The following TULP2 variants were observed in gnomAD, a reference collection of about 807,000 sequenced individuals.
TULP2 encodes tubby-related protein 2.
TULP2 carries 64 observed loss-of-function variants against 60.3 expected under a neutral mutation model. That is an observed-to-expected ratio of 1.06 (90% confidence interval 0.87 to 1.31). The LOEUF (loss-of-function observed/expected upper bound fraction) is 1.31. Among genes scored for constraint, TULP2 ranks in the 50% most tolerant of loss-of-function variants. The probability of loss-of-function intolerance (pLI) is 0.00; values close to 1 mark genes in which losing one functional copy is unlikely to be tolerated. For synonymous variants in TULP2, 267 were observed against 265.4 expected (o/e 1.01, Z -0.06); for missense variants, 652 against 667.0 (o/e 0.98, Z 0.25).
chr19:48,895,738 G>A (rs555309800), intron 4 of TULP2, among the ~76,000 whole-genome samples: 219 of 152,230 alleles, frequency 1.4e-3, no homozygotes, highest in Non-Finnish European at 2.5e-3. Context: ...AATTAGCCGG[G>A]CTTGGTGGCG....
chr19:48,894,993 A>C lies in TULP2; in HGVS notation c.514+5T>G. On this transcript the variant is annotated splice_donor_5th_base_variant and intron_variant, in intron 6 of 12. Transcript: ENST00000221399. Reference sequence around the variant, plus strand: ...CAGGTTTCACCCCAATGTCCCCTAAATTACCAGGTCGTTGGTGGGCTTGCC... The same window carrying C: ...CAGGTTTCACCCCAATGTCCCCTAACTTACCAGGTCGTTGGTGGGCTTGCC... 1.9e-6 allele frequency: 3 copies of C among 1,610,166 alleles called. No homozygotes were observed. The highest frequency in any genetic ancestry group is 2.5e-6 in the Non-Finnish European group (3 of 1,178,620).
chr19:48,895,258 G>T, intron 5 of TULP2, 96 bp from the exon 6 acceptor site: 3 of 1,570,928 alleles, frequency 1.9e-6, no homozygotes, highest in Non-Finnish European at 2.6e-6. Flanking sequence ...GAGTGGGTGC[G>T]GTCCTGAGCT....
At position 48,882,121 on chromosome 19, in the gene TULP2, T is replaced by A; in HGVS notation, c.1358A>T (p.Asp453Val). 6.2e-7 allele frequency: 1 copy of A among 1,614,194 alleles called. No homozygotes were observed. ...GAGCGTGTAGACACCGTTCTCCTTG[T>A]CCCACGACGGGGTTTTGTTGTGCAA... ...LLLHNKTPSW[D>V]KENGVYTLNF... Residue 453 changes from aspartate (D) to valine (V), a missense_variant, in exon 12 of 13, where the codon GAC (aspartate) becomes GTC (valine). Coordinates refer to ENST00000221399, the MANE Select transcript of TULP2 (RefSeq NM_003323.3).
intron 8 of TULP2, among the ~76,000 whole-genome samples, chr19:48,887,210 G>A (rs1340943693): frequency 5.4e-5 from 8 of 147,404 alleles, no homozygotes; most frequent in African/African-American, 2.0e-4. Context: ...ACGATGTTTC[G>A]CCTTGTTGGC....
At chr19:48,893,819 G>C (rs2037254763) in intron 6 of TULP2, among the ~76,000 whole-genome samples, 1 of 152,200 alleles carries the variant, frequency 6.6e-6, no homozygotes, top group Non-Finnish European at 1.5e-5. Flanking sequence ...CTCCCAAAGT[G>C]CTGGGATTAC....
chr19:48,883,471 G>T (rs1196040473), intron 11 of TULP2, among the ~76,000 whole-genome samples: 5 of 152,042 alleles, frequency 3.3e-5, no homozygotes, highest in Non-Finnish European at 7.4e-5. Context: ...ATTCTTTCTT[G>T]CCTGAGATCC....
Position 48,895,437 on chromosome 19 carries a change from G to A in TULP2, c.278C>T (p.Ala93Val), listed in dbSNP as rs748975800. The part of the protein sequence containing the change: ...EAHLPSGIHS[A>V]LGTVSCGGDG... The stretch of plus-strand genomic sequence containing the variant: ...TCCACCACAGCTCACGGTGCCCAGG[G>A]CACTGTGGATGCCAGAGGGCAGATG... The change falls in exon 5 of 13, where the codon GCC (alanine) becomes GTC (valine). Residue 93 changes from alanine to valine, a missense_variant. Ala to Val is a moderately conservative substitution (Grantham distance 64). Coordinates refer to ENST00000221399, the MANE Select transcript of TULP2 (RefSeq NM_003323.3). 11 of 1,613,782 alleles carry A rather than the reference G, an allele frequency of 6.8e-6. No homozygotes were observed. The highest frequency in any genetic ancestry group is 8.5e-6 in the Non-Finnish European group (10 of 1,179,922).
At chr19:48,883,649 A>T in intron 11 of TULP2, 105 bp downstream of exon 11, 1 of 1,277,772 alleles carries the variant, frequency 7.8e-7, no homozygotes, top group South Asian at 1.3e-5. Context: ...CCTGCAACCC[A>T]CTGGCCTCCT....
chr19:48,882,031 C>T lies in TULP2; in HGVS notation c.1447+1G>A, dbSNP rs748715040. On this transcript the variant is annotated splice_donor_variant, in intron 12 of 12. Transcript: ENST00000221399. LOFTEE classifies it high-confidence loss of function. The stretch of plus-strand genomic sequence containing the variant: ...GGCTAAACTGGTTTCCAGGAGCTCA[C>T]GGTGTTTGGGATCCACGATTTGGAA... The T allele has an allele frequency of 1.9e-6, 3 of 1,614,200 alleles. No homozygotes were observed. The highest frequency in any genetic ancestry group is 1.1e-5 in the South Asian group (1 of 91,084).
intron 12 of TULP2, among the ~76,000 whole-genome samples, chr19:48,881,625 G>T (rs1026306712): frequency 2.6e-5 from 4 of 151,588 alleles, no homozygotes; most frequent in Admixed American, 6.6e-5. Flanking sequence ...CCTCGTATCC[G>T]CCCGCCTCGG....
intron 12 of TULP2, 82 bp from the exon 13 acceptor site, chr19:48,881,208 TTTC>T (rs1401659980): frequency 4.3e-5 from 18 of 420,816 alleles, no homozygotes; most frequent in African/African-American, 2.8e-4. Context: ...TTTTTTTTTT[TTTC>T]TTTTTTTTTT....
chr19:48,895,149 G>GGA lies in TULP2; in HGVS notation c.362_363insTC (p.Gly122ProfsTer122). 1 of 1,613,510 alleles carries GGA rather than the reference G, an allele frequency of 6.2e-7. No homozygotes were observed. Among genetic ancestry groups the GGA allele is most frequent in the Middle Eastern group, 1.7e-4 (1 of 6,060 alleles). On this transcript the variant is annotated frameshift_variant, in exon 6 of 13. Transcript: ENST00000221399. LOFTEE classifies it high-confidence loss of function. The stretch of plus-strand genomic sequence containing the variant: ...AGGATAAGAAAGGGGACTGGAGACC[G>GGA]AGATTCCTGAACACTGAGGAAGGAA...
rs144511981 is a variant in TULP2 at position 48,897,985 on chromosome 19, T to G, written c.-1-116A>C. 3 of 620,298 alleles carry G rather than the reference T, an allele frequency of 4.8e-6. No homozygotes were observed. Among genetic ancestry groups the G allele is most frequent in the Non-Finnish European group, 4.4e-6 (2 of 451,484 alleles). 38.4% of individuals were successfully genotyped at this position (620,298 alleles called of 1,614,324 possible). On this transcript the variant is annotated intron_variant, in intron 1 of 12. Coordinates refer to ENST00000221399, the MANE Select transcript of TULP2 (RefSeq NM_003323.3). The surrounding 1 kb of genome is among the most constrained non-coding windows in gnomAD (Gnocchi z 4.0). ...TTTATTTATTTATTTATTTATGTAT[T>G]TAGAGACAGCTGAGCCTCGCTCTGT...
chr19:48,884,976 C>T (rs1425214228), intron 9 of TULP2, among the ~76,000 whole-genome samples: 1 of 138,304 alleles, frequency 7.2e-6, no homozygotes, highest in Non-Finnish European at 1.5e-5. Flanking sequence ...TCTTAGCTTA[C>T]CAAGACCTCT....
chr19:48,897,718 C>A lies in TULP2; in HGVS notation c.32+119G>T. 2 of 1,101,456 alleles carry A rather than the reference C, an allele frequency of 1.8e-6. No homozygotes were observed. Among genetic ancestry groups the A allele is most frequent in the Admixed American group, 1.8e-5 (1 of 56,230 alleles). The allele number at this position is 1,101,456 out of a possible 1,614,324, so 68.2% of individuals were successfully genotyped here. ...AGGACACAGGAGTCCAGGTCCCCAG[C>A]CCCTTCCTGCAAGGCCGATGGTGCT... On this transcript the variant is annotated intron_variant, in intron 2 of 12. Transcript: ENST00000221399. The surrounding 1 kb of genome is among the most constrained non-coding windows in gnomAD (Gnocchi z 4.0).
chr19:48,896,324 C>T, intron 4 of TULP2, 106 bp downstream of exon 4: 1 of 1,422,170 alleles, frequency 7.0e-7, no homozygotes, highest in Non-Finnish European at 9.3e-7. Context: ...CCATCCACTG[C>T]CAAGTCCCCA....
At chr19:48,882,410 A>G (rs1409221077) in intron 11 of TULP2, among the ~76,000 whole-genome samples, 1 of 152,144 alleles carries the variant, frequency 6.6e-6, no homozygotes, top group Admixed American at 6.6e-5. Context: ...TGGTATCACA[A>G]TGTTAGAAAT....
intron 4 of TULP2, among the ~76,000 whole-genome samples, chr19:48,895,977 C>A (rs1235873904): frequency 6.6e-6 from 1 of 152,208 alleles, no homozygotes. Flanking sequence ...ACAGCCCTGC[C>A]GCTGGATTGT....
intron 11 of TULP2, among the ~76,000 whole-genome samples, chr19:48,882,914 A>C (rs2123265861): frequency 6.6e-6 from 1 of 152,186 alleles, no homozygotes; most frequent in East Asian, 1.9e-4. Flanking sequence ...TCTTTGAATA[A>C]ATTTTGCTTG....
Sources: gnomAD v4.1 joint callset for allele counts (sites outside exome capture counted in the v4.1 genomes callset) on GRCh38, gnomAD v4.1.1 for gene constraint, Gnocchi (gnomAD v3.1) non-coding constraint, MANE v1.5 for transcripts, NCBI Gene and HGNC (gene_info 2026-07-23, HGNC 2026-07-21) for gene names.